Variants in DOCK5 observed in about 807,000 individuals in gnomAD.
DOCK5 encodes the protein dedicator of cytokinesis protein 5.
In DOCK5, 142 loss-of-function variants were observed where a neutral mutation model predicts 251.8. The ratio of observed to expected loss-of-function variants is 0.56; its 90% CI spans 0.49 to 0.65. The LOEUF (loss-of-function observed/expected upper bound fraction) is 0.65. Among genes scored for constraint, DOCK5 ranks in the 30% least tolerant of loss-of-function variants. The pLI is 0.00. For synonymous variants in DOCK5, 842 were observed against 835.5 expected (o/e 1.01, Z -0.13); for missense variants, 2,111 against 2,312.3 (o/e 0.91, Z 1.79).
Position 25,351,794 on chromosome 8 carries a change from G to A in DOCK5, c.2818G>A (p.Val940Met), listed in dbSNP as rs368530273. 2 of 1,613,944 alleles carry A rather than the reference G, an allele frequency of 1.2e-6. No homozygotes were observed. The highest frequency in any genetic ancestry group is 1.7e-6 in the Non-Finnish European group (2 of 1,179,856). Reference protein sequence around the residue: ...ERLLRRINRTVIGMNRQSPHI... With the variant: ...ERLLRRINRTMIGMNRQSPHI... ...GCTGCTGAGAAGGATCAACCGGACA[G>A]TGATTGGGATGAACCGGCAGTCTCC... The change falls in exon 27 of 52, where the codon GTG becomes ATG. Residue 940 changes from valine to methionine, a missense_variant. By Grantham distance (21) the Val-to-Met change is conservative. Transcript: ENST00000276440.
At chr8:25,328,829 C>G (rs1478883453) in intron 18 of DOCK5, among the ~76,000 whole-genome samples, 1 of 152,194 alleles carries the variant, frequency 6.6e-6, no homozygotes, top group Admixed American at 6.5e-5. Flanking sequence ...AGGTGCGTGG[C>G]CTTGGGCCAG....
At chr8:25,349,043 C>T (rs1223780590) in intron 26 of DOCK5, among the ~76,000 whole-genome samples, 4 of 152,044 alleles carry the variant, frequency 2.6e-5, no homozygotes, top group Non-Finnish European at 5.9e-5. Flanking sequence ...TTATGAATCA[C>T]TTTCATTCAG....
rs945476635 is a variant in DOCK5 at position 25,184,827 on chromosome 8, C to A, written c.-82C>A. 8.2e-7 allele frequency: 1 copy of A among 1,214,758 alleles called. No individual in the cohort carries two copies. The highest frequency in any genetic ancestry group is 3.2e-5 in the East Asian group (1 of 31,420). 75.2% of individuals were successfully genotyped at this position (1,214,758 alleles called of 1,614,324 possible). On this transcript the variant is annotated 5_prime_UTR_variant, in exon 1 of 52. Coordinates refer to ENST00000276440, the MANE Select transcript of DOCK5 (RefSeq NM_024940.8). ...ACATGGCGGAAGCGTCTGGGGCACG[C>A]AGGAGCGCGGGGCGGCGGCGGCCGG...
rs150544307 is a variant in DOCK5 at position 25,388,991 on chromosome 8, C to T, written c.4132-100C>T. 2.2e-4 allele frequency: 252 copies of T among 1,125,276 alleles called. No individual in the cohort carries two copies. In the African/African-American group the frequency reaches 3.2e-3, roughly 14 times the overall value. The allele number at this position is 1,125,276 out of a possible 1,614,324, so 69.7% of individuals were successfully genotyped here. Reference sequence around the variant, plus strand: ...TGAGAACTTGATGGTGGGGATTGAACGTTGGCTGGGGAGTGCAGTGGCTAC... The same window carrying T: ...TGAGAACTTGATGGTGGGGATTGAATGTTGGCTGGGGAGTGCAGTGGCTAC... On this transcript the variant is annotated intron_variant, in intron 40 of 51. Transcript: ENST00000276440.
chr8:25,351,982 A>T (rs1800477792), intron 27 of DOCK5, among the ~76,000 whole-genome samples, 156 bp downstream of exon 27: 1 of 152,048 alleles, frequency 6.6e-6, no homozygotes, highest in East Asian at 1.9e-4. Flanking sequence ...CTTGATTCTG[A>T]CATGGATTTT....
chr8:25,275,213 A>G (rs531750257), intron 3 of DOCK5, among the ~76,000 whole-genome samples, 173 bp from the exon 4 acceptor site: 1 of 152,242 alleles, frequency 6.6e-6, no homozygotes, highest in Admixed American at 6.5e-5. Flanking sequence ...TGTTTCCACC[A>G]TGCTTTTGTG....
chr8:25,221,561 C>T (rs1802391431), intron 1 of DOCK5, among the ~76,000 whole-genome samples: 1 of 152,182 alleles, frequency 6.6e-6, no homozygotes, highest in African/African-American at 2.4e-5. Context: ...CCTGCCTTGG[C>T]CTCCCAAAGT....
At chr8:25,307,644 A>T (rs536226117) in intron 11 of DOCK5, among the ~76,000 whole-genome samples, 2 of 152,136 alleles carry the variant, frequency 1.3e-5, no homozygotes, top group Non-Finnish European at 2.9e-5. Context: ...GCTGGTGGTG[A>T]TGTGCCTCCT....
chr8:25,312,871 A>G (rs1486611186), intron 13 of DOCK5, among the ~76,000 whole-genome samples: 1 of 151,934 alleles, frequency 6.6e-6, no homozygotes, highest in Non-Finnish European at 1.5e-5. Flanking sequence ...CAGAGTTTGT[A>G]GTGAGGTGAG....
intron 4 of DOCK5, among the ~76,000 whole-genome samples, chr8:25,276,101 ACT>A (rs1804038775): frequency 6.6e-6 from 1 of 151,888 alleles, no homozygotes; most frequent in Non-Finnish European, 1.5e-5. Context: ...AACATTTGGG[ACT>A]CTGACTGATA....
chr8:25,401,500 A>G (rs950879653), intron 47 of DOCK5, among the ~76,000 whole-genome samples: 3 of 152,206 alleles, frequency 2.0e-5, no homozygotes, highest in African/African-American at 7.2e-5. Context: ...TGGGAGGCCA[A>G]GGAGGGCTGA....
intron 1 of DOCK5, among the ~76,000 whole-genome samples, chr8:25,224,128 T>A (rs550229894): frequency 3.9e-5 from 6 of 152,318 alleles, no homozygotes; most frequent in African/African-American, 1.4e-4. Context: ...TTTTTTGTTT[T>A]CTTTTTCTGA....
chr8:25,201,833 G>A (rs1197001447), intron 1 of DOCK5, among the ~76,000 whole-genome samples: 1 of 152,170 alleles, frequency 6.6e-6, no homozygotes, highest in Non-Finnish European at 1.5e-5. Context: ...CAGTACCCTA[G>A]CCTGGCAATC....
At chr8:25,248,545 A>T (rs973723333) in intron 2 of DOCK5, among the ~76,000 whole-genome samples, 3 of 151,820 alleles carry the variant, frequency 2.0e-5, no homozygotes, top group Non-Finnish European at 2.9e-5. Context: ...TGCCCTCGAG[A>T]TGTCTGCATA....
At chr8:25,399,064 G>A (rs1235991925) in intron 45 of DOCK5, among the ~76,000 whole-genome samples, 3 of 152,182 alleles carry the variant, frequency 2.0e-5, no homozygotes, top group Non-Finnish European at 4.4e-5. Flanking sequence ...GAATCTGAAG[G>A]CTGGTCTTCG....
chr8:25,208,589 T>C (rs1295486724), intron 1 of DOCK5, among the ~76,000 whole-genome samples: 1 of 152,214 alleles, frequency 6.6e-6, no homozygotes, highest in Non-Finnish European at 1.5e-5. Context: ...ATGCATTTTT[T>C]TAGCAATAAA....
chr8:25,359,054 ACAT>A lies in DOCK5; in HGVS notation c.2947_2949del (p.Ile983del). On this transcript the variant is annotated inframe_deletion, in exon 28 of 52. Coordinates refer to ENST00000276440, the MANE Select transcript of DOCK5 (RefSeq NM_024940.8). ...ATCAGCACTTTCAAAACCAGACAAGACATCATCGTAAGTTGCCTTTACTGGTCC... is the reference window on the plus strand; with the variant it reads ...ATCAGCACTTTCAAAACCAGACAAGACATCGTAAGTTGCCTTTACTGGTCC... 1 of 1,613,868 alleles carries A rather than the reference ACAT, an allele frequency of 6.2e-7. No homozygotes were observed. Among genetic ancestry groups the A allele is most frequent in the Non-Finnish European group, 8.5e-7 (1 of 1,179,760 alleles).
chr8:25,339,034 C>T (rs1404958766), intron 22 of DOCK5, among the ~76,000 whole-genome samples: 1 of 152,090 alleles, frequency 6.6e-6, no homozygotes, highest in Non-Finnish European at 1.5e-5. Context: ...CGTGTGGTTA[C>T]TTTTCCCTTA....
intron 2 of DOCK5, among the ~76,000 whole-genome samples, chr8:25,256,362 G>A (rs914966072): frequency 1.7e-4 from 26 of 152,124 alleles, no homozygotes; most frequent in Non-Finnish European, 2.2e-4. Flanking sequence ...TTACAGGCCG[G>A]GTGCAATGGC....
Sources: allele counts gnomAD v4.1 joint callset (sites outside exome capture counted in the v4.1 genomes callset), GRCh38; gene constraint gnomAD v4.1.1; transcripts MANE v1.5; gene names NCBI Gene and HGNC (gene_info 2026-07-23, HGNC 2026-07-21).